The following SUCLG2 variants were observed in gnomAD, a reference collection of about 807,000 sequenced individuals.
SUCLG2 encodes succinate-CoA ligase GDP-forming subunit beta, also known as succinate--CoA ligase [GDP-forming] subunit beta, mitochondrial.
In SUCLG2, 42 loss-of-function variants were observed where a neutral mutation model predicts 47.9. The observed-to-expected ratio is 0.88, with a 90% CI of 0.69 to 1.14. SUCLG2 has a LOEUF of 1.14. Ranked by LOEUF, SUCLG2 falls within the 50% of genes most tolerant of loss-of-function variation. The pLI, the probability that SUCLG2 is intolerant of heterozygous loss-of-function variation, is 0.00. For missense variants in SUCLG2, 571 were observed against 525.9 expected, an observed-to-expected ratio of 1.09 and a Z score of -0.84; for synonymous variants, 195 against 197.3, an observed-to-expected ratio of 0.99 and a Z score of 0.10.
chr3:67,500,726 T>A (rs1165274372), intron 7 of SUCLG2, among the ~76,000 whole-genome samples: 1 of 152,232 alleles, frequency 6.6e-6, no homozygotes. Flanking sequence ...CCTCCATTAC[T>A]CATTGGCAAG....
chr3:67,601,317 T>C (rs1312108041), intron 2 of SUCLG2, among the ~76,000 whole-genome samples: 2 of 152,198 alleles, frequency 1.3e-5, no homozygotes, highest in African/African-American at 2.4e-5. Context: ...TTAGAAGATA[T>C]TTTTTACTTA....
At chr3:67,601,138 A>G (rs945135305) in intron 2 of SUCLG2, among the ~76,000 whole-genome samples, 2 of 152,220 alleles carry the variant, frequency 1.3e-5, no homozygotes, top group African/African-American at 4.8e-5. Context: ...CAAAAATTAT[A>G]AACAAAACTG....
chr3:67,371,684 T>G (rs1413560440), downstream of SUCLG2, among the ~76,000 whole-genome samples: 1 of 152,198 alleles, frequency 6.6e-6, no homozygotes, highest in Non-Finnish European at 1.5e-5. Flanking sequence ...AAGCAATACA[T>G]TCAAGAACCC....
intron 9 of SUCLG2, among the ~76,000 whole-genome samples, chr3:67,465,986 A>G (rs922409494): frequency 6.6e-6 from 1 of 152,086 alleles, no homozygotes; most frequent in African/African-American, 2.4e-5. Flanking sequence ...AAGAATTCCC[A>G]TTCATTTCTC....
intron 9 of SUCLG2, among the ~76,000 whole-genome samples, chr3:67,477,075 C>G (rs1294094265): frequency 6.6e-6 from 1 of 152,220 alleles, no homozygotes; most frequent in Admixed American, 6.5e-5. Context: ...CTGCTTGTAT[C>G]TATCTGTACC....
intron 2 of SUCLG2, among the ~76,000 whole-genome samples, chr3:67,593,944 A>G (rs557010367): frequency 1.2e-3 from 189 of 152,336 alleles, no homozygotes; most frequent in African/African-American, 4.3e-3. Context: ...ACAATGGGAT[A>G]TTAGCAGATG....
At chr3:67,512,842 T>C (rs911565419) in intron 6 of SUCLG2, among the ~76,000 whole-genome samples, 1 of 150,504 alleles carries the variant, frequency 6.6e-6, no homozygotes, top group African/African-American at 2.5e-5. Flanking sequence ...AATTTGACTA[T>C]TCTAGATAGC....
chr3:67,570,743 T>C lies in SUCLG2; in HGVS notation c.226+38712A>G, dbSNP rs1205554077. 3.9e-5 allele frequency among the ~76,000 whole-genome samples: 6 copies of C among 152,300 alleles called. No homozygotes were observed. The South Asian group carries it at 8.3e-4, about 21-fold the overall frequency. On this transcript the variant is annotated intron_variant, in intron 2 of 10. Coordinates refer to ENST00000307227, the MANE Select transcript of SUCLG2 (RefSeq NM_003848.4). ...TTAACGACAGGAGGGTAATGCATCCTGACTCCATATGGAGAGGACACAGAA... is the reference window on the plus strand; with the variant it reads ...TTAACGACAGGAGGGTAATGCATCCCGACTCCATATGGAGAGGACACAGAA...
chr3:67,486,612 T>C (rs940401974), intron 9 of SUCLG2, among the ~76,000 whole-genome samples: 1 of 152,202 alleles, frequency 6.6e-6, no homozygotes, highest in Non-Finnish European at 1.5e-5. Flanking sequence ...ACAGCATTAT[T>C]AACTCATGCC....
chr3:67,492,797 A>T (rs1219800661), intron 9 of SUCLG2, among the ~76,000 whole-genome samples: 2 of 152,224 alleles, frequency 1.3e-5, no homozygotes, highest in African/African-American at 2.4e-5. Context: ...AGTTGTAGAG[A>T]TACTTGTGTT....
chr3:67,554,544 C>T (rs1707104818), intron 2 of SUCLG2, among the ~76,000 whole-genome samples: 1 of 152,094 alleles, frequency 6.6e-6, no homozygotes, highest in South Asian at 2.1e-4. Context: ...TGACTGAATT[C>T]AGAATTATTT....
chr3:67,389,674 A>C (rs1393565964), intron 10 of SUCLG2, among the ~76,000 whole-genome samples: 1 of 151,084 alleles, frequency 6.6e-6, no homozygotes, highest in African/African-American at 2.4e-5. Flanking sequence ...AGTTTATCCA[A>C]CCTTAGAGTA....
intron 10 of SUCLG2, among the ~76,000 whole-genome samples, chr3:67,365,569 T>C (rs1185811750): frequency 6.6e-6 from 1 of 152,206 alleles, no homozygotes; most frequent in Non-Finnish European, 1.5e-5. Context: ...GCATTTGATA[T>C]TTTATGCATT....
chr3:67,593,834 C>T (rs1465166354), intron 2 of SUCLG2, among the ~76,000 whole-genome samples: 1 of 152,220 alleles, frequency 6.6e-6, no homozygotes, highest in African/African-American at 2.4e-5. Context: ...GCAGAAATCA[C>T]TAGCCCCAAT....
chr3:67,412,378 T>C (rs1200673246), intron 9 of SUCLG2, among the ~76,000 whole-genome samples: 2 of 152,168 alleles, frequency 1.3e-5, no homozygotes, highest in Non-Finnish European at 2.9e-5. Context: ...GAATATCATA[T>C]TCTCTGAGGC....
chr3:67,548,116 T>C (rs1043756373), intron 2 of SUCLG2, among the ~76,000 whole-genome samples: 1 of 152,060 alleles, frequency 6.6e-6, no homozygotes, highest in Non-Finnish European at 1.5e-5. Flanking sequence ...GTGCTGAGCG[T>C]ATTCACTATT....
intron 6 of SUCLG2, among the ~76,000 whole-genome samples, chr3:67,512,316 G>C (rs1442058630): frequency 6.6e-6 from 1 of 150,910 alleles, no homozygotes; most frequent in African/African-American, 2.5e-5. Context: ...AATAAAATTT[G>C]AGTTAAAGTG....
intron 6 of SUCLG2, among the ~76,000 whole-genome samples, chr3:67,512,743 C>T (rs1404716541): frequency 6.6e-6 from 1 of 150,878 alleles, no homozygotes; most frequent in Non-Finnish European, 1.5e-5. Context: ...AGAACTTCTT[C>T]ATCTTCCCTC....
chr3:67,593,240 T>C (rs1406961678), intron 2 of SUCLG2, among the ~76,000 whole-genome samples: 1 of 136,018 alleles, frequency 7.4e-6, no homozygotes, highest in Non-Finnish European at 1.6e-5. Context: ...CCCTATAGGA[T>C]ATTTGCATAT....
Sources: allele counts gnomAD v4.1 joint callset (sites outside exome capture counted in the v4.1 genomes callset), GRCh38; gene constraint gnomAD v4.1.1; transcripts MANE v1.5; gene names NCBI Gene and HGNC (gene_info 2026-07-23, HGNC 2026-07-21).